CWC27: variants seen among roughly 807,000 people sequenced by gnomAD.
The protein encoded by CWC27 is CWC27 spliceosome associated cyclophilin.
In CWC27, 47 loss-of-function variants were observed where a neutral mutation model predicts 63.6. The observed-to-expected ratio is 0.74, with a 90% CI of 0.58 to 0.94. The LOEUF (loss-of-function observed/expected upper bound fraction) is 0.94, where lower values mean the gene tolerates loss of function less well. Ranked by LOEUF, CWC27 falls within the 40% of genes least tolerant of loss-of-function variation. The pLI is 0.00. For missense variants in CWC27, 495 were observed against 554.3 expected (o/e 0.89, Z 1.07); for synonymous variants, 175 against 179.8 (o/e 0.97, Z 0.22).
At chr5:64,830,043 T>C (rs189541514) in intron 10 of CWC27, among the ~76,000 whole-genome samples, 1 of 150,160 alleles carries the variant, frequency 6.7e-6, no homozygotes, top group African/African-American at 2.5e-5. Flanking sequence ...TTTTTAATTA[T>C]ACTTTAAGTT....
intron 13 of CWC27, among the ~76,000 whole-genome samples, chr5:64,990,482 G>T (rs1749519856): frequency 2.0e-5 from 1 of 51,088 alleles, no homozygotes; most frequent in African/African-American, 8.0e-5. Context: ...AGCCGGGATG[G>T]TCTCGATCTC....
rs543350303 is a variant in CWC27 at position 64,896,043 on chromosome 5, TA to T, written c.1042+10501del. Among the ~76,000 whole-genome samples the T allele has an allele frequency of 6.6e-4, 100 of 152,110 alleles. 2 individuals are homozygous for T. The highest frequency in any genetic ancestry group is 2.4e-3 in the African/African-American group (98 of 41,504). The stretch of plus-strand genomic sequence containing the variant: ...TTACAGAATGAAGTCTCCCCAAAAC[TA>T]AAAGAGGATAAAGAAAAATAAATTC... On this transcript the variant is annotated intron_variant, in intron 11 of 13. Coordinates refer to ENST00000381070, the MANE Select transcript of CWC27 (RefSeq NM_005869.4).
intron 11 of CWC27, among the ~76,000 whole-genome samples, chr5:64,942,840 C>T (rs762436447): frequency 2.7e-4 from 41 of 152,238 alleles, no homozygotes; most frequent in Admixed American, 2.0e-3. Flanking sequence ...AATTTTATGC[C>T]TGTGCATATA....
chr5:64,799,602 A>ATATATATATATATATATATATATG (rs143997810), intron 7 of CWC27, among the ~76,000 whole-genome samples: 11,821 of 131,190 alleles, frequency 0.09, 1,084 homozygotes, highest in Non-Finnish European at 0.12. Flanking sequence ...ATATATATAT[A>ATATATATATATATATATATATATG]CTTAATAGCA....
intron 11 of CWC27, among the ~76,000 whole-genome samples, chr5:64,953,390 T>A (rs1748746345): frequency 6.6e-6 from 1 of 151,760 alleles, no homozygotes; most frequent in Non-Finnish European, 1.5e-5. Flanking sequence ...CCCGAGTGAG[T>A]GACAGAGCTT....
intron 4 of CWC27, among the ~76,000 whole-genome samples, chr5:64,785,118 A>G (rs973311405): frequency 6.6e-6 from 1 of 152,208 alleles, no homozygotes; most frequent in Non-Finnish European, 1.5e-5. Flanking sequence ...ATGTCTCTAA[A>G]GCATTTACCA....
At chr5:64,956,806 T>C (rs975989818) in intron 11 of CWC27, among the ~76,000 whole-genome samples, 3 of 152,154 alleles carry the variant, frequency 2.0e-5, no homozygotes, top group Non-Finnish European at 4.4e-5. Flanking sequence ...TTATTAGCCA[T>C]ATAAACTGGG....
intron 11 of CWC27, among the ~76,000 whole-genome samples, chr5:64,910,923 C>T (rs908922556): frequency 6.6e-6 from 1 of 152,204 alleles, no homozygotes; most frequent in Non-Finnish European, 1.5e-5. Context: ...GAGACAATGG[C>T]CCACCCTGCT....
rs70983650 is a variant in CWC27, at chr5:64,776,068, CGAGAGAGAGAGAGAGAGAGAGA to C, written c.139+1314_139+1335del. On this transcript the variant is annotated intron_variant, in intron 2 of 13. Transcript: ENST00000381070. ...AAGAGAGAGGTGGGGAGGAGTGGAG[CGAGAGAGAGAGAGAGAGAGAGA>C]GAGAGAGAGAGAGAGAGAGAGAGAG... Among the ~76,000 whole-genome samples, 630 of 108,616 alleles carry C rather than the reference CGAGAGAGAGAGAGAGAGAGAGA, an allele frequency of 5.8e-3. 7 individuals are homozygous for C. The highest frequency in any genetic ancestry group is 0.038 in the East Asian group (161 of 4,206). The allele number at this position is 108,616 out of a possible 152,430, so 71.3% of individuals were successfully genotyped here.
At chr5:64,907,874 T>C (rs533263155) in intron 11 of CWC27, among the ~76,000 whole-genome samples, 1 of 152,298 alleles carries the variant, frequency 6.6e-6, no homozygotes, top group African/African-American at 2.4e-5. Context: ...GTTTTTTGTG[T>C]CTCCATCTCC....
intron 12 of CWC27, among the ~76,000 whole-genome samples, chr5:64,976,739 A>G (rs900341390): frequency 2.6e-5 from 4 of 151,964 alleles, no homozygotes; most frequent in African/African-American, 9.7e-5. Context: ...TCACTACATT[A>G]CCCCTGCTGG....
intron 13 of CWC27, among the ~76,000 whole-genome samples, chr5:64,992,483 G>C (rs1749553572): frequency 6.6e-6 from 1 of 151,770 alleles, no homozygotes; most frequent in Admixed American, 6.6e-5. Context: ...ATCTTCTGGA[G>C]CTAGTTACAG....
chr5:64,804,191 T>C (rs1744579449), intron 9 of CWC27, 38 bp from the exon 10 acceptor site: 1 of 1,546,456 alleles, frequency 6.5e-7, no homozygotes, highest in Non-Finnish European at 8.7e-7. Context: ...AAAGGGGAAA[T>C]TGAGCACCTG....
chr5:64,809,648 T>G (rs1455169267), intron 10 of CWC27, among the ~76,000 whole-genome samples: 1 of 152,220 alleles, frequency 6.6e-6, no homozygotes, highest in Non-Finnish European at 1.5e-5. Context: ...ATTATAGGCG[T>G]GAGCTACTGT....
intron 6 of CWC27, among the ~76,000 whole-genome samples, chr5:64,787,084 A>G (rs1345027880): frequency 6.6e-6 from 1 of 152,184 alleles, no homozygotes; most frequent in Non-Finnish European, 1.5e-5. Flanking sequence ...CTCACTCAGT[A>G]TCATGAGAAC....
Position 64,834,092 on chromosome 5 carries a change from CT to C in CWC27, c.938+29717del, listed in dbSNP as rs543249604. 1.9e-3 allele frequency among the ~76,000 whole-genome samples: 270 copies of C among 140,774 alleles called. 1 individual carries two copies. The highest frequency in any genetic ancestry group is 5.4e-3 in the African/African-American group (208 of 38,668). The allele number at this position is 140,774 out of a possible 152,430, so 92.4% of individuals were successfully genotyped here. A position where few individuals can be genotyped will look rare whatever the true frequency, so the allele number is the denominator to read the frequency against. Reference sequence around the variant, plus strand: ...ATCTCAAAAGTTGTCATGCCCCTCGCTTTTTTTTTTTAAAGAAATCACATTA... The same window carrying C: ...ATCTCAAAAGTTGTCATGCCCCTCGCTTTTTTTTTTAAAGAAATCACATTA... On this transcript the variant is annotated intron_variant, in intron 10 of 13. Transcript: ENST00000381070.
At chr5:64,771,748 A>G (rs1484863103) in intron 1 of CWC27, among the ~76,000 whole-genome samples, 1 of 152,234 alleles carries the variant, frequency 6.6e-6, no homozygotes, top group African/African-American at 2.4e-5. Context: ...TTTAAGAGAA[A>G]GAGCCAAGGA....
intron 13 of CWC27, among the ~76,000 whole-genome samples, chr5:65,004,403 G>T: frequency 7.9e-6 from 1 of 127,122 alleles, no homozygotes; most frequent in Non-Finnish European, 1.6e-5. Context: ...TTTTTTGGTG[G>T]GGGGGTGGTC....
chr5:64,969,580 G>A (rs753188260), intron 11 of CWC27, among the ~76,000 whole-genome samples: 2 of 151,604 alleles, frequency 1.3e-5, no homozygotes. Context: ...ACTATTTATT[G>A]AATCACTTGC....
Sources: gnomAD v4.1 joint callset for allele counts (sites outside exome capture counted in the v4.1 genomes callset) on GRCh38, gnomAD v4.1.1 for gene constraint, MANE v1.5 for transcripts, NCBI Gene and HGNC (gene_info 2026-07-23, HGNC 2026-07-21) for gene names.